The following ESRRG variants were observed in gnomAD, a reference collection of about 807,000 sequenced individuals.
The protein encoded by ESRRG is estrogen related receptor gamma, also known as estrogen-related receptor gamma.
In ESRRG, 13 loss-of-function variants were observed where a neutral mutation model predicts 44.0. The ratio of observed to expected loss-of-function variants is 0.30; its 90% CI spans 0.19 to 0.47. ESRRG has a LOEUF of 0.47. Ranked by LOEUF, ESRRG falls within the 20% of genes least tolerant of loss-of-function variation. The probability of loss-of-function intolerance (pLI) is 1.00; values close to 1 mark genes in which losing one functional copy is unlikely to be tolerated. For synonymous variants in ESRRG, 215 were observed against 214.6 expected (o/e 1.00, Z -0.02); for missense variants, 395 against 580.6 (o/e 0.68, Z 3.29).
chr1:216,882,096 G>A lies in ESRRG; in HGVS notation c.-14+57486C>T, dbSNP rs144507836. ...ACCTTTGTTTAGCCCTCACAACCACGTTATGGGCAGGTGGGCATTATAATT... is the reference window on the plus strand; with the variant it reads ...ACCTTTGTTTAGCCCTCACAACCACATTATGGGCAGGTGGGCATTATAATT... On this transcript the variant is annotated intron_variant, in intron 2 of 7. Coordinates refer to the ESRRG transcript ENST00000359162. Among the ~76,000 whole-genome samples, 588 of 152,040 alleles carry A rather than the reference G, an allele frequency of 3.9e-3. 5 individuals carry two copies. The highest frequency in any genetic ancestry group is 0.014 in the African/African-American group (574 of 41,454).
chr1:216,770,038 G>T (rs776236831), intron 2 of ESRRG, among the ~76,000 whole-genome samples: 6 of 151,982 alleles, frequency 3.9e-5, no homozygotes, highest in African/African-American at 1.4e-4. Flanking sequence ...AATTAGGGTA[G>T]GGCAAAAAGA....
chr1:216,919,032 G>T (rs1390744234), intron 2 of ESRRG, among the ~76,000 whole-genome samples: 1 of 151,814 alleles, frequency 6.6e-6, no homozygotes, highest in East Asian at 1.9e-4. Flanking sequence ...TTAATATCTG[G>T]TATTAGCTGT....
chr1:216,690,254 T>TGTGTGTG lies in ESRRG; in HGVS notation c.57-12770_57-12764dup, dbSNP rs200890589. Among the ~76,000 whole-genome samples the TGTGTGTG allele has an allele frequency of 5.0e-3, 764 of 152,024 alleles. 11 individuals are homozygous for TGTGTGTG. The highest frequency in any genetic ancestry group is 0.017 in the African/African-American group (690 of 41,486). Reference sequence around the variant, plus strand: ...ATAAACAAATTATGAAATATATACCTGTGTGTGGTGTGTGTGTGTGTGTTT... The same window carrying TGTGTGTG: ...ATAAACAAATTATGAAATATATACCTGTGTGTGGTGTGTGGTGTGTGTGTGTGTGTTT... On this transcript the variant is annotated intron_variant, in intron 1 of 6. Coordinates refer to ENST00000408911, the MANE Select transcript of ESRRG (RefSeq NM_001438.4).
At chr1:216,676,680 T>C (rs536463900) in intron 2 of ESRRG, among the ~76,000 whole-genome samples, 1 of 152,292 alleles carries the variant, frequency 6.6e-6, no homozygotes, top group Admixed American at 6.5e-5. Flanking sequence ...ACACTCAAGT[T>C]TGGAAATCAC....
intron 5 of ESRRG, among the ~76,000 whole-genome samples, chr1:216,523,265 T>A (rs2046621465): frequency 6.6e-6 from 1 of 152,134 alleles, no homozygotes; most frequent in African/African-American, 2.4e-5. Context: ...CTCTCTACCT[T>A]GACCCGCAGT....
chr1:216,834,029 C>T (rs1329013579), intron 2 of ESRRG, among the ~76,000 whole-genome samples: 2 of 152,158 alleles, frequency 1.3e-5, no homozygotes, highest in Non-Finnish European at 2.9e-5. Context: ...AACAGCGCTG[C>T]AGTGAGGGTG....
At chr1:216,806,195 C>G (rs2094787005) in intron 2 of ESRRG, among the ~76,000 whole-genome samples, 1 of 152,214 alleles carries the variant, frequency 6.6e-6, no homozygotes, top group Non-Finnish European at 1.5e-5. Context: ...TCTCCAAGTT[C>G]TGTCTATTTC....
At chr1:216,609,925 A>G (rs1199395260) in intron 3 of ESRRG, among the ~76,000 whole-genome samples, 1 of 152,176 alleles carries the variant, frequency 6.6e-6, no homozygotes, top group East Asian at 1.9e-4. Context: ...GTACTTTTCC[A>G]TATTTAATAT....
intron 5 of ESRRG, among the ~76,000 whole-genome samples, chr1:216,536,004 G>A (rs1355813302): frequency 6.6e-6 from 1 of 152,026 alleles, no homozygotes; most frequent in Non-Finnish European, 1.5e-5. Context: ...GTTCAGATCC[G>A]ATTTGATCTC....
At chr1:217,062,299 A>G (rs1358595078) in intron 1 of ESRRG, among the ~76,000 whole-genome samples, 1 of 152,198 alleles carries the variant, frequency 6.6e-6, no homozygotes, top group African/African-American at 2.4e-5. Flanking sequence ...AAGCAATGAC[A>G]TACCGTGTGA....
chr1:216,516,327 T>C (rs1033248375), intron 6 of ESRRG, among the ~76,000 whole-genome samples: 1 of 152,050 alleles, frequency 6.6e-6, no homozygotes, highest in Non-Finnish European at 1.5e-5. Flanking sequence ...AAGATAGAGT[T>C]TCCAGTGATG....
At chr1:216,859,080 C>G (rs2096005138) in intron 2 of ESRRG, among the ~76,000 whole-genome samples, 1 of 152,172 alleles carries the variant, frequency 6.6e-6, no homozygotes, top group African/African-American at 2.4e-5. Context: ...GTGAGAAACT[C>G]TACTTTGTAA....
intron 3 of ESRRG, among the ~76,000 whole-genome samples, chr1:216,575,933 T>C (rs1045481218): frequency 6.6e-6 from 1 of 152,088 alleles, no homozygotes; most frequent in Admixed American, 6.6e-5. Context: ...TCTATCACTT[T>C]ATAAGGTGAT....
intron 1 of ESRRG, among the ~76,000 whole-genome samples, chr1:216,964,172 T>G (rs773388670): frequency 1.3e-5 from 2 of 152,106 alleles, no homozygotes; most frequent in African/African-American, 2.4e-5. Flanking sequence ...AACTAGACTT[T>G]GAGGGAATGC....
chr1:216,823,904 T>A (rs1441222919), intron 2 of ESRRG, among the ~76,000 whole-genome samples: 1 of 152,162 alleles, frequency 6.6e-6, no homozygotes, highest in African/African-American at 2.4e-5. Flanking sequence ...TGCCTTTCAT[T>A]GCAATGAAAG....
chr1:216,656,922 G>T (rs1376010317), intron 2 of ESRRG, among the ~76,000 whole-genome samples: 1 of 152,132 alleles, frequency 6.6e-6, no homozygotes, highest in Admixed American at 6.5e-5. Flanking sequence ...TCAACATTAA[G>T]TGATTTAAAA....
Position 216,506,896 on chromosome 1 carries a change from C to A in ESRRG, c.*43G>T. 6.3e-7 allele frequency: 1 copy of A among 1,581,418 alleles called. No homozygotes were observed. Among genetic ancestry groups the A allele is most frequent in the South Asian group, 1.2e-5 (1 of 85,140 alleles). ...CGACATCACTCTTGGGTTTATTTTC[C>A]CTTTTTCAACATGAAGGATGGGAAG... is the stretch of plus-strand genomic sequence containing the variant. On this transcript the variant is annotated 3_prime_UTR_variant, in exon 7 of 7. Transcript: ENST00000408911.
chr1:216,888,088 A>G (rs957419717), intron 2 of ESRRG, among the ~76,000 whole-genome samples: 1 of 152,124 alleles, frequency 6.6e-6, no homozygotes, highest in African/African-American at 2.4e-5. Context: ...ATCACAATTT[A>G]CTGAGGTCCT....
intron 2 of ESRRG, among the ~76,000 whole-genome samples, chr1:216,657,410 C>G (rs2070908565): frequency 6.6e-6 from 1 of 152,152 alleles, no homozygotes; most frequent in Non-Finnish European, 1.5e-5. Context: ...TTAGAACTGC[C>G]ACCAGAGCCA....
Sources: gnomAD v4.1 joint callset for allele counts (sites outside exome capture counted in the v4.1 genomes callset) on GRCh38, gnomAD v4.1.1 for gene constraint, MANE v1.5 for transcripts, NCBI Gene and HGNC (gene_info 2026-07-23, HGNC 2026-07-21) for gene names.